The following TENM2 variants were observed in gnomAD, a reference collection of about 807,000 sequenced individuals.
TENM2 encodes teneurin transmembrane protein 2, also known as teneurin-2.
Under a neutral mutation model 245.2 loss-of-function variants are expected in TENM2, and 52 were observed. The ratio of observed to expected loss-of-function variants is 0.21; its 90% CI spans 0.17 to 0.27. TENM2 has a LOEUF of 0.27. Among genes scored for constraint, TENM2 ranks in the 10% least tolerant of loss-of-function variants. The pLI, the probability that TENM2 is intolerant of heterozygous loss-of-function variation, is 1.00. For missense variants in TENM2, 3,046 were observed against 3,666.8 expected, an observed-to-expected ratio of 0.83 and a Z score of 4.37; for synonymous variants, 1,363 against 1,438.9, an observed-to-expected ratio of 0.95 and a Z score of 1.19.
intron 4 of TENM2, among the ~76,000 whole-genome samples, chr5:167,980,590 C>T (rs1172915705): frequency 6.6e-6 from 1 of 152,038 alleles, no homozygotes; most frequent in Non-Finnish European, 1.5e-5. Context: ...TCACAAGACG[C>T]CTTATAGGCC....
chr5:167,287,307 C>G (rs1754342123), intron 1 of TENM2: 1 of 152,140 alleles, frequency 6.6e-6, no homozygotes, highest in Non-Finnish European at 1.5e-5. Context: ...TCAGTAATAA[C>G]AATAATTTTT....
At chr5:167,858,949 G>A (rs1282421065) in intron 2 of TENM2, among the ~76,000 whole-genome samples, 6 of 140,760 alleles carry the variant, frequency 4.3e-5, no homozygotes, top group African/African-American at 1.3e-4. Flanking sequence ...GGGAAGTGAG[G>A]AGTGTCTCTG....
At chr5:167,510,480 G>C (rs755017817) in intron 2 of TENM2, among the ~76,000 whole-genome samples, 1 of 152,122 alleles carries the variant, frequency 6.6e-6, no homozygotes, top group Non-Finnish European at 1.5e-5. Context: ...CGAGTGAAAA[G>C]GGAAATAAGT....
At chr5:167,176,319 CCTTTA>C in the TENM2 span, among the ~76,000 whole-genome samples, 4 of 152,084 alleles carry the variant, frequency 2.6e-5, no homozygotes, top group African/African-American at 9.7e-5. Flanking sequence ...TAAACGTAGC[CCTTTA>C]CTTTTGTGAA....
intron 2 of TENM2, among the ~76,000 whole-genome samples, chr5:167,696,059 A>C (rs980779044): frequency 4.0e-5 from 6 of 150,618 alleles, no homozygotes; most frequent in Non-Finnish European, 6.0e-5. Flanking sequence ...CAAAAAAAAA[A>C]CAACAACAAC....
chr5:167,425,165 G>A (rs1763737316), intron 2 of TENM2, among the ~76,000 whole-genome samples: 1 of 152,188 alleles, frequency 6.6e-6, no homozygotes, highest in Non-Finnish European at 1.5e-5. Flanking sequence ...GTATCTATGA[G>A]TTATTTCTAA....
intron 5 of TENM2, among the ~76,000 whole-genome samples, chr5:168,036,461 C>T (rs1455331261): frequency 6.6e-6 from 1 of 151,684 alleles, no homozygotes; most frequent in Non-Finnish European, 1.5e-5. Context: ...AATGGTGAAA[C>T]CCCATCTCTA....
At chr5:167,926,909 A>G (rs2151672136) in intron 3 of TENM2, among the ~76,000 whole-genome samples, 1 of 152,332 alleles carries the variant, frequency 6.6e-6, no homozygotes, top group East Asian at 1.9e-4. Flanking sequence ...TCTCTGTCTT[A>G]TTTCTTACAA....
the TENM2 span, among the ~76,000 whole-genome samples, chr5:167,083,403 A>G: frequency 4.6e-5 from 7 of 152,158 alleles, no homozygotes; most frequent in African/African-American, 1.7e-4. Context: ...ATAATAGGTG[A>G]TCAATAAATA....
intron 13 of TENM2, among the ~76,000 whole-genome samples, chr5:168,174,257 G>A (rs6555786): frequency 0.12 from 17,786 of 152,092 alleles, 2,015 homozygotes; most frequent in East Asian, 0.41. Flanking sequence ...TCCCAGGGAG[G>A]GGAGACAGCC....
chr5:167,511,029 C>T (rs1769919345), intron 2 of TENM2, among the ~76,000 whole-genome samples: 1 of 152,142 alleles, frequency 6.6e-6, no homozygotes, highest in African/African-American at 2.4e-5. Context: ...TCCTTCTTAA[C>T]ACCATCCCTT....
At chr5:167,184,784 C>T in the TENM2 span, among the ~76,000 whole-genome samples, 42 of 152,284 alleles carry the variant, frequency 2.8e-4, no homozygotes, top group African/African-American at 9.9e-4. Context: ...CTGCCAAAAG[C>T]TGATCTCAAA....
rs1320559863 is a variant in TENM2, at chr5:167,830,607, C to CTA, written c.503-45376_503-45375dup. ...CGTGGAAACAAATCAATGTTGTGTA[C>CTA]TATAGTGTGTGGCAGAGGAGGCAAA... is the stretch of plus-strand genomic sequence containing the variant. On this transcript the variant is annotated intron_variant, in intron 2 of 28. Transcript: ENST00000518659. Among the ~76,000 whole-genome samples, 3 of 152,110 alleles carry CTA rather than the reference C, an allele frequency of 2.0e-5. No homozygotes were observed. The South Asian group carries it at 6.2e-4, about 32-fold the overall frequency.
At chr5:167,340,751 C>T (rs567687786) in intron 1 of TENM2, among the ~76,000 whole-genome samples, 2 of 152,208 alleles carry the variant, frequency 1.3e-5, no homozygotes, top group African/African-American at 4.8e-5. Flanking sequence ...ATTTGGTGCA[C>T]GTAAAAGATG....
At chr5:167,744,548 T>C (rs991019830) in intron 2 of TENM2, among the ~76,000 whole-genome samples, 3 of 152,186 alleles carry the variant, frequency 2.0e-5, no homozygotes, top group African/African-American at 7.2e-5. Flanking sequence ...TTTTAAGTAC[T>C]TTGGGCCATT....
At chr5:168,042,248 AT>A (rs952469471) in intron 5 of TENM2, among the ~76,000 whole-genome samples, 1 of 151,812 alleles carries the variant, frequency 6.6e-6, no homozygotes, top group African/African-American at 2.4e-5. Flanking sequence ...GCAGTCTTCC[AT>A]TTTCAAAGGG....
At chr5:167,298,415 A>C (rs58150693) in intron 1 of TENM2, among the ~76,000 whole-genome samples, 26,333 of 152,180 alleles carry the variant, frequency 0.17, 2,728 homozygotes, top group African/African-American at 0.29. Flanking sequence ...CATCCTGGCT[A>C]ACACGGTGAA....
intron 2 of TENM2, among the ~76,000 whole-genome samples, chr5:167,868,662 A>T (rs1208770665): frequency 1.3e-5 from 2 of 150,176 alleles, no homozygotes; most frequent in African/African-American, 4.9e-5. Context: ...ACTTGAACCT[A>T]CGAGGCAGAG....
chr5:167,053,785 C>G, the TENM2 span, among the ~76,000 whole-genome samples: 1 of 152,164 alleles, frequency 6.6e-6, no homozygotes. Flanking sequence ...TTAACTTGCA[C>G]TGTTAGCCAC....
Sources: allele counts gnomAD v4.1 joint callset (sites outside exome capture counted in the v4.1 genomes callset), GRCh38; gene constraint gnomAD v4.1.1; transcripts MANE v1.5; gene names NCBI Gene and HGNC (gene_info 2026-07-23, HGNC 2026-07-21).